AK9: variants seen among roughly 807,000 people sequenced by gnomAD.
AK9 encodes adenylate kinase domain containing 1.
In AK9, 191 loss-of-function variants were observed where a neutral mutation model predicts 239.6. That is an observed-to-expected ratio of 0.80 (90% CI 0.71 to 0.90). The LOEUF (loss-of-function observed/expected upper bound fraction) is 0.90. Among genes scored for constraint, AK9 ranks in the 40% least tolerant of loss-of-function variants. The pLI, the probability that AK9 is intolerant of heterozygous loss-of-function variation, is 0.00. For synonymous variants in AK9, 689 were observed against 721.0 expected, an observed-to-expected ratio of 0.96 and a Z score of 0.71; for missense variants, 1,995 against 2,214.7, an observed-to-expected ratio of 0.90 and a Z score of 1.99.
chr6:109,552,658 G>A (rs1410254426), intron 24 of AK9, among the ~76,000 whole-genome samples: 1 of 152,140 alleles, frequency 6.6e-6, no homozygotes, highest in Non-Finnish European at 1.5e-5. Context: ...CAGGTTGCCT[G>A]TTCACTCTGA....
At chr6:109,640,577 ATT>A (rs60569476) in intron 10 of AK9, among the ~76,000 whole-genome samples, 19,495 of 149,360 alleles carry the variant, frequency 0.13, 2,576 homozygotes, top group African/African-American at 0.34. Flanking sequence ...CTCCACCCCA[ATT>A]TTTTTTTTTT....
rs902583159 is a variant in AK9, at chr6:109,563,729, T to C, written c.2636-17A>G. On this transcript the variant is annotated splice_polypyrimidine_tract_variant and intron_variant, in intron 23 of 40. Coordinates refer to ENST00000424296, the MANE Select transcript of AK9 (RefSeq NM_001145128.3). Reference sequence around the variant, plus strand: ...GAAATGGTTCTGGAGAAAAAGAGAATCATTGGGGAAAATATTTTTAGTAAA... The same window carrying C: ...GAAATGGTTCTGGAGAAAAAGAGAACCATTGGGGAAAATATTTTTAGTAAA... The C allele has an allele frequency of 6.5e-7, 1 of 1,541,032 alleles. No homozygotes were observed. Among genetic ancestry groups the C allele is most frequent in the Admixed American group, 2.0e-5 (1 of 49,264 alleles).
At chr6:109,641,140 TAA>T (rs1171022073) in intron 10 of AK9, among the ~76,000 whole-genome samples, 8 of 72,992 alleles carry the variant, frequency 1.1e-4, no homozygotes, top group Non-Finnish European at 1.5e-4. Flanking sequence ...TATATATGAA[TAA>T]ATATATATAT....
intron 5 of AK9, among the ~76,000 whole-genome samples, chr6:109,663,607 A>G (rs79290081): frequency 0.029 from 4,380 of 152,276 alleles, 99 homozygotes; most frequent in East Asian, 0.11. Context: ...AACAAATGTG[A>G]TTTCTTGATA....
rs1229911776 is a variant in AK9, at chr6:109,604,283, TC to T, written c.1842+6081del. On this transcript the variant is annotated intron_variant, in intron 17 of 40. Transcript: ENST00000424296. Reference sequence around the variant, plus strand: ...TCTATTGAGATTTTCCCTTACAAGTTCTTCCATTGCATTTGTGTCTGGAATC... The same window carrying T: ...TCTATTGAGATTTTCCCTTACAAGTTTTCCATTGCATTTGTGTCTGGAATC... 1.1e-4 allele frequency among the ~76,000 whole-genome samples: 17 copies of T among 152,238 alleles called. 1 individual carries two copies. Among genetic ancestry groups the T allele is most frequent in the Non-Finnish European group, 1.5e-5 (1 of 68,042 alleles).
intron 8 of AK9, among the ~76,000 whole-genome samples, chr6:109,649,778 G>T (rs111878984): frequency 6.6e-6 from 1 of 152,024 alleles, no homozygotes; most frequent in African/African-American, 2.4e-5. Context: ...CATCGCCAAG[G>T]CAATCCTAAG....
intron 29 of AK9, among the ~76,000 whole-genome samples, chr6:109,519,098 T>A (rs188531945): frequency 2.6e-5 from 4 of 152,310 alleles, no homozygotes; most frequent in Admixed American, 2.6e-4. Context: ...TTGCTCAGGA[T>A]AATGGCTTCC....
chr6:109,561,101 G>A (rs1402739177), intron 24 of AK9, among the ~76,000 whole-genome samples: 4 of 151,930 alleles, frequency 2.6e-5, no homozygotes, highest in South Asian at 4.2e-4. Context: ...TTACAGGTGC[G>A]CATGACCACA....
chr6:109,573,220 T>C (rs779442955), intron 21 of AK9, among the ~76,000 whole-genome samples: 1 of 152,118 alleles, frequency 6.6e-6, no homozygotes, highest in Non-Finnish European at 1.5e-5. Flanking sequence ...ACAAATTACA[T>C]AGCCAGCTGT....
intron 30 of AK9, 32 bp from the exon 31 acceptor site, chr6:109,516,107 T>G (rs753234590): frequency 6.6e-7 from 1 of 1,505,644 alleles, no homozygotes; most frequent in South Asian, 1.2e-5. Context: ...ACAAATATAT[T>G]TAGTGAGAAA....
rs1040164344 is a variant in AK9, at chr6:109,573,557, A to G, written c.2229T>C (p.Ile743=). 2 of 1,550,812 alleles carry G rather than the reference A, an allele frequency of 1.3e-6. No homozygotes were observed. Among genetic ancestry groups the G allele is most frequent in the Non-Finnish European group, 1.7e-6 (2 of 1,146,506 alleles). ...EETDNEDEEE[I]EGDELEVHEE... ...CGTGAACTTCCAACTCATCACCTTC[A>G]ATCTCCTCTTCATCCTCATTATCAG... is the stretch of plus-strand genomic sequence containing the variant. The change falls in exon 21 of 41, where the codon ATT becomes ATC. Residue 743 remains isoleucine (I), a synonymous_variant. Transcript: ENST00000424296.
chr6:109,607,768 G>GTGT (rs1554268779), intron 17 of AK9, among the ~76,000 whole-genome samples: 2 of 145,382 alleles, frequency 1.4e-5, no homozygotes, highest in Admixed American at 1.4e-4. Flanking sequence ...CCAGCAGAGG[G>GTGT]GTGTGTGTGT....
chr6:109,607,554 G>A lies in AK9; in HGVS notation c.1842+2811C>T, dbSNP rs192932990. Reference sequence around the variant, plus strand: ...TGCATAGGTTATATGCAAATGTCATGCCATTTTATACAAGGAACTTGAACA... The same window carrying A: ...TGCATAGGTTATATGCAAATGTCATACCATTTTATACAAGGAACTTGAACA... On this transcript the variant is annotated intron_variant, in intron 17 of 40. Transcript: ENST00000424296. Among the ~76,000 whole-genome samples the A allele has an allele frequency of 6.2e-4, 95 of 152,208 alleles. No individual in the cohort carries two copies. The Middle Eastern group carries it at 0.01, about 16-fold the overall frequency.
intron 5 of AK9, among the ~76,000 whole-genome samples, chr6:109,666,381 G>A (rs191073086): frequency 1.6e-4 from 25 of 152,306 alleles, no homozygotes; most frequent in Non-Finnish European, 1.9e-4. Context: ...TGAAAGCACA[G>A]ATGAGGAACT....
chr6:109,546,163 A>G, intron 25 of AK9, 36 bp from the exon 26 acceptor site: 2 of 1,523,870 alleles, frequency 1.3e-6, no homozygotes, highest in East Asian at 2.3e-5. Context: ...GGGTGGGATA[A>G]AGGGAGAGTG....
rs538205411 is a variant in AK9, at chr6:109,628,704, C to T, written c.1254+4219G>A. On this transcript the variant is annotated intron_variant, in intron 12 of 40. Coordinates refer to ENST00000424296, the MANE Select transcript of AK9 (RefSeq NM_001145128.3). Reference sequence around the variant, plus strand: ...TACTATTATTTTATGTTACCTATTTCCTGATGAGGTTAGGCAGCTTTCATA... The same window carrying T: ...TACTATTATTTTATGTTACCTATTTTCTGATGAGGTTAGGCAGCTTTCATA... Among the ~76,000 whole-genome samples the T allele has an allele frequency of 1.4e-3, 214 of 152,194 alleles. 1 individual carries two copies. Among genetic ancestry groups the T allele is most frequent in the Middle Eastern group, 3.4e-3 (1 of 294 alleles).
Position 109,533,296 on chromosome 6 carries a change from TTTC to T in AK9, c.3522_3524del (p.Lys1175del). Reference sequence around the variant, plus strand: ...CTTTGATCAGTTTCTTCCTTTCTAATTTCTTCTTTTGTTTTAGTTTCCACTTTT... The same window carrying T: ...CTTTGATCAGTTTCTTCCTTTCTAATTTCTTTTGTTTTAGTTTCCACTTTT... On this transcript the variant is annotated inframe_deletion, in exon 28 of 41. Transcript: ENST00000424296. 6.2e-6 allele frequency: 10 copies of T among 1,611,558 alleles called. No individual in the cohort carries two copies. The highest frequency in any genetic ancestry group is 8.5e-6 in the Non-Finnish European group (10 of 1,179,216).
At position 109,559,176 on chromosome 6, in the gene AK9, T is replaced by TTTG. The variant is rs386408224; in HGVS notation, c.2751+4418_2751+4420dup. 1.9e-3 allele frequency among the ~76,000 whole-genome samples: 289 copies of TTTG among 149,166 alleles called. 1 individual carries two copies. Among genetic ancestry groups the TTTG allele is most frequent in the East Asian group, 0.013 (64 of 5,052 alleles). On this transcript the variant is annotated intron_variant, in intron 24 of 40. Coordinates refer to ENST00000424296, the MANE Select transcript of AK9 (RefSeq NM_001145128.3). ...CATGGTATATCTATCTGTTTTTTTT[T>TTTG]TTGTTTTTTTGAGATGGGGTCTCTC...
At chr6:109,641,349 C>CTTTTTTTTT (rs913203723) in intron 10 of AK9, among the ~76,000 whole-genome samples, 169 bp downstream of exon 10, 30 of 124,388 alleles carry the variant, frequency 2.4e-4, no homozygotes, top group Middle Eastern at 3.7e-3. Flanking sequence ...TTCTTTCTTT[C>CTTTTTTTTT]TTTTTTTTTT....
Sources: allele counts gnomAD v4.1 joint callset (sites outside exome capture counted in the v4.1 genomes callset), GRCh38; gene constraint gnomAD v4.1.1; transcripts MANE v1.5; gene names NCBI Gene and HGNC (gene_info 2026-07-23, HGNC 2026-07-21).